Variants in CLRN2 observed in about 807,000 individuals in gnomAD.
CLRN2 encodes the protein clarin-2.
A neutral mutation model predicts 20.1 loss-of-function variants in CLRN2; 17 were observed. The ratio of observed to expected loss-of-function variants is 0.85; its 90% CI spans 0.58 to 1.27. The LOEUF (loss-of-function observed/expected upper bound fraction) is 1.27. CLRN2 is among the 50% of genes most tolerant of loss of function. The probability of loss-of-function intolerance (pLI) is 0.00; values close to 1 mark genes in which losing one functional copy is unlikely to be tolerated. For synonymous variants in CLRN2, 140 were observed against 126.9 expected (o/e 1.10, Z -0.70); for missense variants, 288 against 299.5 (o/e 0.96, Z 0.28).
At chr4:17,520,538 A>T (rs1451421320) in intron 1 of CLRN2, among the ~76,000 whole-genome samples, 1 of 152,250 alleles carries the variant, frequency 6.6e-6, no homozygotes, top group Admixed American at 6.5e-5. Flanking sequence ...ACAAGGTTAC[A>T]TGAATTAATA....
At chr4:17,526,427 A>G (rs1241351862) in intron 2 of CLRN2, among the ~76,000 whole-genome samples, 8 of 152,068 alleles carry the variant, frequency 5.3e-5, no homozygotes, top group African/African-American at 1.9e-4. Flanking sequence ...GGCTGTGGTG[A>G]CAGGCACCTG....
chr4:17,518,756 CA>C (rs1267895555), intron 1 of CLRN2, among the ~76,000 whole-genome samples: 2 of 110,320 alleles, frequency 1.8e-5, no homozygotes, highest in African/African-American at 7.0e-5. Flanking sequence ...AGTGAAAATC[CA>C]TCTAAAAAAA....
At chr4:17,521,795 A>C (rs545409477) in intron 1 of CLRN2, among the ~76,000 whole-genome samples, 42 of 152,354 alleles carry the variant, frequency 2.8e-4, no homozygotes, top group Non-Finnish European at 4.6e-4. Context: ...AACCCTGATT[A>C]GCTGGTACAG....
chr4:17,526,802 C>A lies in CLRN2; in HGVS notation c.434-15C>A, dbSNP rs772609370. 2 of 1,613,322 alleles carry A rather than the reference C, an allele frequency of 1.2e-6. No homozygotes were observed. Among genetic ancestry groups the A allele is most frequent in the Non-Finnish European group, 1.7e-6 (2 of 1,179,352 alleles). ...AAAAGGAGCCGTGAATGAGGGTGAC[C>A]TTTTTGAGTTTCAGGCGGCGTCGTG... On this transcript the variant is annotated splice_polypyrimidine_tract_variant and intron_variant, in intron 2 of 2. Transcript: ENST00000511148.
rs150027171 is a variant in CLRN2, at chr4:17,523,847, G to A, written c.433+804G>A. ...CACACTTGGGCATATTAATGCAGAC[G>A]TGGCTCACTGGCTGTCTCAACTCTC... is the stretch of plus-strand genomic sequence containing the variant. On this transcript the variant is annotated intron_variant, in intron 2 of 2. Transcript: ENST00000511148. 1.0e-3 allele frequency among the ~76,000 whole-genome samples: 155 copies of A among 149,424 alleles called. 1 individual carries two copies. Among genetic ancestry groups the A allele is most frequent in the Middle Eastern group, 6.8e-3 (2 of 294 alleles).
rs371984226 is a variant in CLRN2 at position 17,515,274 on chromosome 4, G to C, written c.8G>C (p.Gly3Ala). ...TGACCTGCACCCACTAGCATGCCTG[G>C]ATGGTTCAAAAAGGCGTGGTATGGG... MP[G>A]WFKKAWYGLA... Residue 3 changes from glycine (G) to alanine (A), a missense_variant, in exon 1 of 3, where the codon GGA (glycine) becomes GCA (alanine). Coordinates refer to ENST00000511148, the MANE Select transcript of CLRN2 (RefSeq NM_001079827.2). 6.2e-7 allele frequency: 1 copy of C among 1,613,782 alleles called. No homozygotes were observed. The highest frequency in any genetic ancestry group is 8.5e-7 in the Non-Finnish European group (1 of 1,179,886).
chr4:17,518,760 T>TAAA (rs34571936), intron 1 of CLRN2, among the ~76,000 whole-genome samples: 2 of 142,940 alleles, frequency 1.4e-5, no homozygotes, highest in African/African-American at 2.6e-5. Context: ...AAAATCCATC[T>TAAA]AAAAAAAAAA....
chr4:17,515,692 C>G (rs1025992903), intron 1 of CLRN2, among the ~76,000 whole-genome samples, 173 bp downstream of exon 1: 2 of 152,202 alleles, frequency 1.3e-5, no homozygotes, highest in Admixed American at 6.5e-5. Flanking sequence ...TTCCTTCCTT[C>G]CTTGCTTCCT....
chr4:17,518,578 T>A (rs996482236), intron 1 of CLRN2, among the ~76,000 whole-genome samples: 5 of 152,058 alleles, frequency 3.3e-5, no homozygotes, highest in Non-Finnish European at 5.9e-5. Flanking sequence ...CTGGCCAACA[T>A]GGTGAAACCA....
intron 1 of CLRN2, among the ~76,000 whole-genome samples, chr4:17,516,066 A>G (rs1053926864): frequency 1.3e-5 from 2 of 152,152 alleles, no homozygotes; most frequent in South Asian, 4.1e-4. Flanking sequence ...TTCCACATCT[A>G]CTTTTGTAAA....
intron 1 of CLRN2, among the ~76,000 whole-genome samples, chr4:17,521,509 A>G (rs1711837063): frequency 6.6e-6 from 1 of 152,232 alleles, no homozygotes; most frequent in Non-Finnish European, 1.5e-5. Flanking sequence ...TCAATTCTTC[A>G]TGTAAAACTA....
chr4:17,515,406 T>A lies in CLRN2; in HGVS notation c.140T>A (p.Val47Asp). 6.2e-7 allele frequency: 1 copy of A among 1,613,962 alleles called. No individual in the cohort carries two copies. Among genetic ancestry groups the A allele is most frequent in the Non-Finnish European group, 8.5e-7 (1 of 1,179,882 alleles). ...CTTTGTCAGACTGGAGTGGATCTGG[T>A]CAACGCCACAGACAGAGAGCTGGTC... Reference protein sequence around the residue: ...KILCQTGVDLVNATDRELVKF... With the variant: ...KILCQTGVDLDNATDRELVKF... The change falls in exon 1 of 3, where the codon GTC (valine) becomes GAC (aspartate). Residue 47 changes from valine (V) to aspartate (D), a missense_variant. Coordinates refer to ENST00000511148, the MANE Select transcript of CLRN2 (RefSeq NM_001079827.2).
rs1167803525 is a variant in CLRN2, at chr4:17,515,431, C to G, written c.165C>G (p.Val55=). ...TCAACGCCACAGACAGAGAGCTGGT[C>G]AAGTTCATTGGGGACATTTACTACG... ...DLVNATDREL[V]KFIGDIYYGL... Residue 55 remains valine, a synonymous_variant, in exon 1 of 3, where the codon GTC becomes GTG. Coordinates refer to ENST00000511148, the MANE Select transcript of CLRN2 (RefSeq NM_001079827.2). 6.2e-7 allele frequency: 1 copy of G among 1,613,810 alleles called. No individual in the cohort carries two copies. The highest frequency in any genetic ancestry group is 8.5e-7 in the Non-Finnish European group (1 of 1,179,890).
Position 17,515,269 on chromosome 4 carries a change from GC to G in CLRN2, c.5del (p.Pro2LeufsTer22). On this transcript the variant is annotated frameshift_variant, in exon 1 of 3. Coordinates refer to ENST00000511148, the MANE Select transcript of CLRN2 (RefSeq NM_001079827.2). LOFTEE classifies it high-confidence loss of function. M[P>X]GWFKKAWYGL... ...GGGGATGACCTGCACCCACTAGCAT[GC>G]CTGGATGGTTCAAAAAGGCGTGGTA... 1 of 1,613,716 alleles carries G rather than the reference GC, an allele frequency of 6.2e-7. No individual in the cohort carries two copies. The highest frequency in any genetic ancestry group is 8.5e-7 in the Non-Finnish European group (1 of 1,179,880).
At position 17,524,204 on chromosome 4, in the gene CLRN2, A is replaced by ATGTGTGTGTGTGTGTG. The variant is rs10527873; in HGVS notation, c.433+1178_433+1193dup. On this transcript the variant is annotated intron_variant, in intron 2 of 2. Transcript: ENST00000511148. ...TGTTTTCCAAGCCAAAAACTACAAG[A>ATGTGTGTGTGTGTGTG]TGTGTGTGTGTGTGTGTGTGTGTGT... is the stretch of plus-strand genomic sequence containing the variant. 5.3e-3 allele frequency among the ~76,000 whole-genome samples: 791 copies of ATGTGTGTGTGTGTGTG among 148,636 alleles called. 2 individuals are homozygous for ATGTGTGTGTGTGTGTG. Among genetic ancestry groups the ATGTGTGTGTGTGTGTG allele is most frequent in the Middle Eastern group, 6.8e-3 (2 of 294 alleles).
chr4:17,518,768 A>AG (rs1437389371), intron 1 of CLRN2, among the ~76,000 whole-genome samples: 1 of 151,874 alleles, frequency 6.6e-6, no homozygotes, highest in Non-Finnish European at 1.5e-5. Context: ...TCTAAAAAAA[A>AG]AAAAGAGAAA....
At chr4:17,516,500 T>C (rs1163734433) in intron 1 of CLRN2, among the ~76,000 whole-genome samples, 1 of 152,182 alleles carries the variant, frequency 6.6e-6, no homozygotes, top group Non-Finnish European at 1.5e-5. Context: ...TTTATAGAAA[T>C]CTGGCCAAGG....
At chr4:17,524,054 G>A (rs924122352) in intron 2 of CLRN2, among the ~76,000 whole-genome samples, 7 of 151,940 alleles carry the variant, frequency 4.6e-5, no homozygotes, top group African/African-American at 1.5e-4. Flanking sequence ...AGAGCCTGAG[G>A]CTCAGAGAAG....
At chr4:17,517,809 C>G (rs1016765330) in intron 1 of CLRN2, among the ~76,000 whole-genome samples, 14 of 152,162 alleles carry the variant, frequency 9.2e-5, no homozygotes, top group African/African-American at 3.4e-4. Flanking sequence ...CATCCATTCG[C>G]AGTACCTTGG....
Sources: gnomAD v4.1 joint callset for allele counts (sites outside exome capture counted in the v4.1 genomes callset) on GRCh38, gnomAD v4.1.1 for gene constraint, MANE v1.5 for transcripts, NCBI Gene and HGNC (gene_info 2026-07-23, HGNC 2026-07-21) for gene names.